The following GRM5 variants were observed in gnomAD, a reference collection of about 807,000 sequenced individuals.
The protein encoded by GRM5 is glutamate metabotropic receptor 5, also known as metabotropic glutamate receptor 5.
In GRM5, 19 loss-of-function variants were observed where a neutral mutation model predicts 83.1. That is an observed-to-expected ratio of 0.23 (90% CI 0.16 to 0.34). GRM5 has a LOEUF of 0.34. Ranked by LOEUF, GRM5 falls within the 10% of genes least tolerant of loss-of-function variation. The probability of loss-of-function intolerance (pLI) is 1.00; values close to 1 mark genes in which losing one functional copy is unlikely to be tolerated. For missense variants in GRM5, 1,160 were observed against 1,588.3 expected, an observed-to-expected ratio of 0.73 and a Z score of 4.58; for synonymous variants, 675 against 633.6, an observed-to-expected ratio of 1.07 and a Z score of -0.98.
At chr11:88,987,610 G>C (rs1591023329) in intron 2 of GRM5, among the ~76,000 whole-genome samples, 1 of 152,064 alleles carries the variant, frequency 6.6e-6, no homozygotes, top group Admixed American at 6.5e-5. Context: ...AAATGTCCTT[G>C]TCTGACAGCT....
chr11:88,831,862 A>G (rs1437044384), intron 3 of GRM5, among the ~76,000 whole-genome samples: 1 of 152,174 alleles, frequency 6.6e-6, no homozygotes, highest in East Asian at 1.9e-4. Flanking sequence ...CAAAGCTGCC[A>G]CTACCAGCAC....
intron 3 of GRM5, among the ~76,000 whole-genome samples, chr11:88,816,288 C>A (rs1590879891): frequency 6.8e-6 from 1 of 147,326 alleles, no homozygotes; most frequent in Non-Finnish European, 1.5e-5. Context: ...TGCCTGTAAT[C>A]CCAGCACTCT....
At chr11:88,693,248 A>G (rs1056059511) in intron 3 of GRM5, among the ~76,000 whole-genome samples, 1 of 152,158 alleles carries the variant, frequency 6.6e-6, no homozygotes, top group Non-Finnish European at 1.5e-5. Flanking sequence ...TGGGTGAGAG[A>G]AATAGTTCTG....
chr11:88,747,234 A>AATG (rs1942163785), intron 3 of GRM5, among the ~76,000 whole-genome samples: 1 of 152,192 alleles, frequency 6.6e-6, no homozygotes, highest in Non-Finnish European at 1.5e-5. Context: ...CACAAACTCT[A>AATG]ATGATTTATT....
chr11:88,742,372 AATT>A (rs1364098806), intron 3 of GRM5, among the ~76,000 whole-genome samples: 2 of 152,134 alleles, frequency 1.3e-5, no homozygotes, highest in Non-Finnish European at 2.9e-5. Flanking sequence ...ATATTATCAA[AATT>A]ATTATTGCCT....
At chr11:88,967,863 G>A (rs577376987) in intron 2 of GRM5, among the ~76,000 whole-genome samples, 4 of 152,078 alleles carry the variant, frequency 2.6e-5, no homozygotes, top group East Asian at 3.9e-4. Context: ...CAGACCAAGA[G>A]GAAGGAAATA....
At chr11:88,697,285 G>A (rs141304556) in intron 3 of GRM5, among the ~76,000 whole-genome samples, 5 of 152,156 alleles carry the variant, frequency 3.3e-5, no homozygotes, top group African/African-American at 4.8e-5. Flanking sequence ...TTTTCTCTGC[G>A]GCACTTTTTC....
chr11:89,029,673 A>T (rs1158735719), intron 2 of GRM5, among the ~76,000 whole-genome samples: 1 of 152,152 alleles, frequency 6.6e-6, no homozygotes, highest in Non-Finnish European at 1.5e-5. Context: ...TGCATCCCTA[A>T]TGAGATTTTA....
intron 2 of GRM5, among the ~76,000 whole-genome samples, chr11:88,875,349 T>C (rs1226435442): frequency 2.6e-5 from 4 of 152,022 alleles, no homozygotes; most frequent in African/African-American, 4.8e-5. Flanking sequence ...TACCATAAGA[T>C]TGTATAAATT....
At chr11:88,540,379 A>T (rs1942238404) in intron 8 of GRM5, among the ~76,000 whole-genome samples, 1 of 152,188 alleles carries the variant, frequency 6.6e-6, no homozygotes, top group African/African-American at 2.4e-5. Flanking sequence ...TTCAGGATGT[A>T]AAATAACTGG....
intron 3 of GRM5, among the ~76,000 whole-genome samples, chr11:88,720,973 G>C (rs1202564012): frequency 1.3e-5 from 2 of 151,904 alleles, no homozygotes; most frequent in Non-Finnish European, 2.9e-5. Context: ...GGTTAATGTG[G>C]GATAGCCATC....
At position 88,954,340 on chromosome 11, in the gene GRM5, A is replaced by G. The variant is rs1938545387; in HGVS notation, c.661+92872T>C. Among the ~76,000 whole-genome samples the G allele has an allele frequency of 2.1e-5, 3 of 142,208 alleles. No homozygotes were observed. In the South Asian group the frequency reaches 7.6e-4, roughly 36 times the overall value. 93.3% of individuals were successfully genotyped at this position (142,208 alleles called of 152,430 possible). ...CAAAAATAATACAGAGATACCTGAC[A>G]TTTTGTAGTGTTCTTCTAGAGAGAA... On this transcript the variant is annotated intron_variant, in intron 2 of 9. Transcript: ENST00000305447.
chr11:88,821,968 TC>T (rs1943805903), intron 3 of GRM5, among the ~76,000 whole-genome samples: 1 of 152,110 alleles, frequency 6.6e-6, no homozygotes. Context: ...TATGCTTAAT[TC>T]TTTTTGATGA....
intron 4 of GRM5, among the ~76,000 whole-genome samples, chr11:88,639,631 A>G (rs547950401): frequency 6.6e-6 from 1 of 150,484 alleles, no homozygotes; most frequent in East Asian, 2.0e-4. Context: ...ACTGTCACCC[A>G]GGCTGGAGTG....
chr11:89,039,775 C>A (rs1391495897), intron 2 of GRM5, among the ~76,000 whole-genome samples: 1 of 152,082 alleles, frequency 6.6e-6, no homozygotes, highest in Non-Finnish European at 1.5e-5. Flanking sequence ...AATTGCATAA[C>A]CATTTGGGCT....
intron 3 of GRM5, among the ~76,000 whole-genome samples, chr11:88,814,393 A>G (rs1203584783): frequency 6.6e-6 from 1 of 152,154 alleles, no homozygotes; most frequent in Non-Finnish European, 1.5e-5. Context: ...CCTGAATGTG[A>G]GTTAGCCATT....
At chr11:88,799,571 AAAG>A (rs1943350017) in intron 3 of GRM5, among the ~76,000 whole-genome samples, 1 of 152,134 alleles carries the variant, frequency 6.6e-6, no homozygotes, top group South Asian at 2.1e-4. Context: ...TAAATAATAC[AAAG>A]AAGTAGAAAC....
chr11:88,668,212 G>GCACACA lies in GRM5; in HGVS notation c.912-14815_912-14810dup, dbSNP rs71046259. On this transcript the variant is annotated intron_variant, in intron 3 of 9. Transcript: ENST00000305447. ...TTATTTAAAACATCTGCAGAAACTC[G>GCACACA]CACACACACACACACACACAAAGAC... 7.2e-3 allele frequency among the ~76,000 whole-genome samples: 1,022 copies of GCACACA among 142,666 alleles called. 12 individuals carry two copies. Among genetic ancestry groups the GCACACA allele is most frequent in the African/African-American group, 0.025 (954 of 37,808 alleles). The allele number at this position is 142,666 out of a possible 152,430, so 93.6% of individuals were successfully genotyped here. A position where few individuals can be genotyped will look rare whatever the true frequency, so the allele number is the denominator to read the frequency against.
At chr11:88,648,274 C>T (rs201027224) in intron 4 of GRM5, among the ~76,000 whole-genome samples, 3,069 of 149,040 alleles carry the variant, frequency 0.021, 87 homozygotes, top group East Asian at 0.12. Context: ...CAATGATAGA[C>T]TGGATTAAGA....
Sources: gnomAD v4.1 joint callset for allele counts (sites outside exome capture counted in the v4.1 genomes callset) on GRCh38, gnomAD v4.1.1 for gene constraint, MANE v1.5 for transcripts, NCBI Gene and HGNC (gene_info 2026-07-23, HGNC 2026-07-21) for gene names.